The following RTN4RL1 variants were observed in gnomAD, a reference collection of about 807,000 sequenced individuals.
RTN4RL1 encodes the protein reticulon-4 receptor-like 1.
In RTN4RL1, 7 loss-of-function variants were observed where a neutral mutation model predicts 25.6. The observed-to-expected ratio is 0.27, with a 90% confidence interval of 0.16 to 0.51. RTN4RL1 has a LOEUF of 0.51. Among genes scored for constraint, RTN4RL1 ranks in the 20% least tolerant of loss-of-function variants. The pLI is 0.97. For missense variants in RTN4RL1, 500 were observed against 615.6 expected (o/e 0.81, Z 1.99); for synonymous variants, 297 against 288.2 (o/e 1.03, Z -0.31).
At position 1,935,896 on chromosome 17, in the gene RTN4RL1, T is replaced by C; in HGVS notation, c.*600A>G. ...TAATTGGTTCTTGGACCCCAGCAGT[T>C]GGACCTGGGTCTGCCAGGGTTGCCT... On this transcript the variant is annotated 3_prime_UTR_variant, in exon 2 of 2. Transcript: ENST00000331238. 1 of 985,580 alleles carries C rather than the reference T, an allele frequency of 1.0e-6. No homozygotes were observed. The highest frequency in any genetic ancestry group is 1.7e-5 in the African/African-American group (1 of 57,254). The allele number at this position is 985,580 out of a possible 1,614,324, so 61.1% of individuals were successfully genotyped here.
At chr17:1,988,576 C>T (rs1425461529) in intron 1 of RTN4RL1, among the ~76,000 whole-genome samples, 3 of 151,908 alleles carry the variant, frequency 2.0e-5, no homozygotes, top group Non-Finnish European at 4.4e-5. Context: ...CATCCCTCCC[C>T]TCTCCAGAGG....
chr17:1,981,376 T>C (rs1254974444), intron 1 of RTN4RL1, among the ~76,000 whole-genome samples: 1 of 152,150 alleles, frequency 6.6e-6, no homozygotes, highest in Non-Finnish European at 1.5e-5. Flanking sequence ...AGTGATACCT[T>C]GTCTCCAAAA....
At chr17:2,018,763 A>C (rs990972755) in intron 1 of RTN4RL1, among the ~76,000 whole-genome samples, 1 of 152,104 alleles carries the variant, frequency 6.6e-6, no homozygotes, top group African/African-American at 2.4e-5. Context: ...AGGAATGAGC[A>C]CAGACGGATC....
At chr17:2,001,927 T>TAGGGGAGGGG (rs2066960133) in intron 1 of RTN4RL1, among the ~76,000 whole-genome samples, 1 of 146,194 alleles carries the variant, frequency 6.8e-6, no homozygotes, top group Non-Finnish European at 1.5e-5. Flanking sequence ...ACTTCAGCCC[T>TAGGGGAGGGG]GGGGGAGGGG....
In RTN4RL1 at chr17:1,995,319, G is replaced by A. The variant is rs919567510; in HGVS notation, c.13+29534C>T. Reference sequence around the variant, plus strand: ...TAGGTGCCTGTAACCCCAGCTACTCGGGAAGCTGAGGCAGGAAAATCACTT... The same window carrying A: ...TAGGTGCCTGTAACCCCAGCTACTCAGGAAGCTGAGGCAGGAAAATCACTT... On this transcript the variant is annotated intron_variant, in intron 1 of 1. Transcript: ENST00000331238. 5.3e-5 allele frequency among the ~76,000 whole-genome samples: 8 copies of A among 151,972 alleles called. No individual in the cohort carries two copies. In the South Asian group the frequency reaches 8.3e-4, roughly 16 times the overall value.
chr17:1,977,532 G>T (rs918087003), intron 1 of RTN4RL1, among the ~76,000 whole-genome samples: 2 of 152,056 alleles, frequency 1.3e-5, no homozygotes, highest in African/African-American at 4.8e-5. Context: ...CCCCCACCCC[G>T]CCCGCCGGCC....
chr17:1,937,879 C>G (rs1393861543), intron 1 of RTN4RL1, 71 bp from the exon 2 acceptor site: 1 of 1,229,766 alleles, frequency 8.1e-7, no homozygotes, highest in Admixed American at 2.3e-5. Flanking sequence ...CCCTCCGGCG[C>G]CCGCCGAGGA....
intron 1 of RTN4RL1, among the ~76,000 whole-genome samples, chr17:1,997,001 C>A (rs2066932439): frequency 6.6e-6 from 1 of 152,222 alleles, no homozygotes; most frequent in Non-Finnish European, 1.5e-5. Flanking sequence ...CTTGTGTACA[C>A]CACTGCACCA....
chr17:1,936,531 C>A lies in RTN4RL1; in HGVS notation c.1291G>T (p.Ala431Ser). 1 of 1,551,018 alleles carries A rather than the reference C, an allele frequency of 6.4e-7. No individual in the cohort carries two copies. The highest frequency in any genetic ancestry group is 8.7e-7 in the Non-Finnish European group (1 of 1,149,734). Residue 431 changes from alanine to serine, a missense_variant, in exon 2 of 2, where the codon GCC becomes TCC. By Grantham distance (99) the Ala-to-Ser change is moderately conservative (BLOSUM62 1). Around this residue, in one of 2 missense-constraint regions of RTN4RL1, gnomAD observed 268 missense variants for 274.5 expected, o/e 0.98. Coordinates refer to ENST00000331238, the MANE Select transcript of RTN4RL1 (RefSeq NM_178568.4). The stretch of plus-strand genomic sequence containing the variant: ...GTGACCGCCAGCCCCAGTGTCCAGG[C>A]CAGGAGGGAGGCCCCCAGGGAACTG... ...SASSLGASLL[A>S]WTLGLAVTLR
intron 1 of RTN4RL1, among the ~76,000 whole-genome samples, chr17:1,951,723 G>T (rs1944695126): frequency 6.6e-6 from 1 of 152,064 alleles, no homozygotes; most frequent in Non-Finnish European, 1.5e-5. Context: ...AAAGTGCTGG[G>T]ATTACAGGCG....
chr17:2,013,871 C>T (rs1360240713), intron 1 of RTN4RL1, among the ~76,000 whole-genome samples: 1 of 152,102 alleles, frequency 6.6e-6, no homozygotes, highest in East Asian at 1.9e-4. Context: ...CTCTCTCACC[C>T]TTGGGGTTTG....
chr17:1,948,949 C>T (rs1342269375), intron 1 of RTN4RL1, among the ~76,000 whole-genome samples: 15 of 151,682 alleles, frequency 9.9e-5, no homozygotes, highest in Admixed American at 2.0e-4. Context: ...CCTGCCACCA[C>T]GCCTGGCTAA....
Position 1,937,218 on chromosome 17 carries a change from G to C in RTN4RL1, c.604C>G (p.Leu202Val). 6.2e-7 allele frequency: 1 copy of C among 1,612,372 alleles called. No individual in the cohort carries two copies. The highest frequency in any genetic ancestry group is 1.3e-5 in the African/African-American group (1 of 75,050). Reference protein sequence around the residue: ...TFRGLVNLDRLLLHENQLQWV... With the variant: ...TFRGLVNLDRVLLHENQLQWV... ...TGCAGCTGGTTCTCGTGCAGCAAAA[G>C]ACGGTCCAGGTTCACCAGGCCCCGG... The change falls in exon 2 of 2, where the codon CTT becomes GTT. Residue 202 changes from leucine (L) to valine (V), a missense_variant. Leu to Val is a conservative substitution (Grantham distance 32). Coordinates refer to ENST00000331238, the MANE Select transcript of RTN4RL1 (RefSeq NM_178568.4).
chr17:1,954,977 A>T (rs1915761268), intron 1 of RTN4RL1, among the ~76,000 whole-genome samples: 1 of 152,082 alleles, frequency 6.6e-6, no homozygotes, highest in South Asian at 2.1e-4. Context: ...TTCTCCTCGG[A>T]CCCTCTGCAG....
In RTN4RL1 at chr17:2,025,004, T is replaced by A. The variant is rs1160849997; in HGVS notation, c.-139A>T. On this transcript the variant is annotated 5_prime_UTR_variant, in exon 1 of 2. Coordinates refer to ENST00000331238, the MANE Select transcript of RTN4RL1 (RefSeq NM_178568.4). The surrounding 1 kb of genome is among the most constrained non-coding windows in gnomAD (Gnocchi z 4.8). The stretch of plus-strand genomic sequence containing the variant: ...AAGCCGGGGATCCGCTCGTGCCCGG[T>A]GGCCCGGCCCCGCAGGGGCATGGTG... 1.0e-5 allele frequency: 9 copies of A among 900,950 alleles called. No individual in the cohort carries two copies. The highest frequency in any genetic ancestry group is 9.9e-6 in the Non-Finnish European group (6 of 608,096). The allele number at this position is 900,950 out of a possible 1,614,324, so 55.8% of individuals were successfully genotyped here. A position where few individuals can be genotyped will look rare whatever the true frequency, so the allele number is the denominator to read the frequency against.
intron 1 of RTN4RL1, among the ~76,000 whole-genome samples, chr17:1,946,760 ATG>A (rs1484208852): frequency 6.1e-5 from 6 of 99,026 alleles, no homozygotes; most frequent in Middle Eastern, 0.023. Flanking sequence ...GTGTGGATCT[ATG>A]TGTGATTGTG....
At chr17:2,004,049 C>CACCCT (rs2066976559) in intron 1 of RTN4RL1, among the ~76,000 whole-genome samples, 1 of 148,524 alleles carries the variant, frequency 6.7e-6, no homozygotes, top group Non-Finnish European at 1.5e-5. Context: ...CCAGCCTGGG[C>CACCCT]AACAGAGTGA....
intron 1 of RTN4RL1, among the ~76,000 whole-genome samples, chr17:1,961,097 A>G (rs1482447327): frequency 6.6e-6 from 1 of 152,244 alleles, no homozygotes; most frequent in Non-Finnish European, 1.5e-5. Flanking sequence ...TCCCCGGGAC[A>G]GGGCCAGGCA....
At chr17:1,971,891 GGCGGAGCTTGCAGTGA>G (rs1190713341) in intron 1 of RTN4RL1, among the ~76,000 whole-genome samples, 1 of 149,844 alleles carries the variant, frequency 6.7e-6, no homozygotes, top group Non-Finnish European at 1.5e-5. Context: ...GAACCTGGGA[GGCGGAGCTTGCAGTGA>G]GCCGAGATTG....
Sources: allele counts gnomAD v4.1 joint callset (sites outside exome capture counted in the v4.1 genomes callset), GRCh38; gene constraint gnomAD v4.1.1; regional missense constraint gnomAD v4.1.1; non-coding constraint Gnocchi (gnomAD v3.1); transcripts MANE v1.5; gene names NCBI Gene and HGNC (gene_info 2026-07-23, HGNC 2026-07-21).